MCU: variants seen among roughly 807,000 people sequenced by gnomAD.
MCU encodes the protein mitochondrial calcium uniporter.
In MCU, 12 loss-of-function variants were observed where a neutral mutation model predicts 45.2. The ratio of observed to expected loss-of-function variants is 0.27; its 90% CI spans 0.17 to 0.43. The LOEUF (loss-of-function observed/expected upper bound fraction) is 0.43. Among genes scored for constraint, MCU ranks in the 20% least tolerant of loss-of-function variants. The pLI, the probability that MCU is intolerant of heterozygous loss-of-function variation, is 1.00. For synonymous variants in MCU, 160 were observed against 165.1 expected (o/e 0.97, Z 0.24); for missense variants, 324 against 436.7 (o/e 0.74, Z 2.30).
intron 1 of MCU, chr10:72,730,693 T>C (rs1843161606): frequency 6.6e-6 from 1 of 152,250 alleles, no homozygotes; most frequent in Non-Finnish European, 1.5e-5. Context: ...GTCCAAAATA[T>C]GCAGAAAGCT....
chr10:72,804,074 A>AG (rs1844390385), intron 1 of MCU, among the ~76,000 whole-genome samples: 1 of 68,386 alleles, frequency 1.5e-5, no homozygotes, highest in African/African-American at 7.7e-5. Context: ...ATATATATAT[A>AG]AAATAAGAGT....
Position 72,885,776 on chromosome 10 carries a change from C to A in MCU, c.1010C>A (p.Pro337Gln). The A allele has an allele frequency of 6.2e-7, 1 of 1,613,620 alleles. No homozygotes were observed. Among genetic ancestry groups the A allele is most frequent in the Admixed American group, 1.7e-5 (1 of 59,982 alleles). ...AEMDLKRLRD[P>Q]LQVHLPLRQI... is the part of the protein sequence containing the mutation. ...ATGGACCTTAAGAGACTGAGAGACCCATTACAAGTACATCTGCCTCTCCGA... is the reference window on the plus strand; with the variant it reads ...ATGGACCTTAAGAGACTGAGAGACCAATTACAAGTACATCTGCCTCTCCGA... Residue 337 changes from proline (P) to glutamine (Q), a missense_variant, in exon 8 of 8, where the codon CCA (proline) becomes CAA (glutamine). Pro to Gln is a moderately conservative substitution (Grantham distance 76, BLOSUM62 -1). This residue lies in a region of MCU where 76 missense variants were observed against 99.4 expected (regional missense o/e 0.76). Coordinates refer to ENST00000373053, the MANE Select transcript of MCU (RefSeq NM_138357.3).
In MCU at chr10:72,820,900, G is replaced by A. The variant is rs117622437; in HGVS notation, c.151-13459G>A. Among the ~76,000 whole-genome samples the A allele has an allele frequency of 6.6e-4, 99 of 150,988 alleles. 2 individuals carry two copies. The East Asian group carries it at 0.014, about 22-fold the overall frequency. ...CCCTACTACTTTCCATACGTGTTCCGTTTCTGTTGTTGGTTTTTTTTTTTT... is the reference window on the plus strand; with the variant it reads ...CCCTACTACTTTCCATACGTGTTCCATTTCTGTTGTTGGTTTTTTTTTTTT... On this transcript the variant is annotated intron_variant, in intron 1 of 7. Coordinates refer to ENST00000373053, the MANE Select transcript of MCU (RefSeq NM_138357.3).
chr10:72,782,295 C>A (rs1326633822), intron 1 of MCU, among the ~76,000 whole-genome samples: 1 of 152,118 alleles, frequency 6.6e-6, no homozygotes, highest in Non-Finnish European at 1.5e-5. Flanking sequence ...ACTTCTTCAC[C>A]CTGTGCTTTT....
chr10:72,699,159 G>C, intron 1 of MCU, among the ~76,000 whole-genome samples: 1 of 152,058 alleles, frequency 6.6e-6, no homozygotes, highest in East Asian at 1.9e-4. Flanking sequence ...GAATTACTAG[G>C]ATAACATGTT....
At chr10:72,741,332 C>G (rs1365059609) in intron 1 of MCU, among the ~76,000 whole-genome samples, 1 of 152,116 alleles carries the variant, frequency 6.6e-6, no homozygotes, top group Non-Finnish European at 1.5e-5. Flanking sequence ...AACTCCTGAC[C>G]TCAGGTGATC....
intron 1 of MCU, among the ~76,000 whole-genome samples, chr10:72,697,187 G>A (rs564949982): frequency 5.3e-5 from 8 of 152,100 alleles, no homozygotes; most frequent in African/African-American, 1.2e-4. Flanking sequence ...CGTGATCTCG[G>A]CTCACTGCAA....
At chr10:72,869,002 A>C (rs1646467080) in intron 5 of MCU, 139 bp downstream of exon 5, 1 of 867,654 alleles carries the variant, frequency 1.2e-6, no homozygotes, top group Admixed American at 3.0e-5. Context: ...ACTGAACCAT[A>C]AAAAAGTTTA....
intron 5 of MCU, among the ~76,000 whole-genome samples, chr10:72,871,107 C>T (rs1402223133): frequency 2.6e-5 from 4 of 151,992 alleles, no homozygotes; most frequent in Non-Finnish European, 5.9e-5. Flanking sequence ...GCCATGTCGC[C>T]CAGGCTGGTC....
intron 1 of MCU, among the ~76,000 whole-genome samples, chr10:72,831,533 G>A (rs907233869): frequency 3.3e-5 from 5 of 152,094 alleles, no homozygotes; most frequent in Non-Finnish European, 5.9e-5. Flanking sequence ...TGCCTAACAT[G>A]TATTTGATGA....
intron 1 of MCU, among the ~76,000 whole-genome samples, chr10:72,807,259 G>T (rs1356559256): frequency 6.6e-6 from 1 of 151,994 alleles, no homozygotes; most frequent in Non-Finnish European, 1.5e-5. Context: ...TAGTTATTTA[G>T]TACAGTCAGC....
At chr10:72,805,193 CCTTCCTTCCTTT>C (rs912647532) in intron 1 of MCU, among the ~76,000 whole-genome samples, 5 of 144,932 alleles carry the variant, frequency 3.4e-5, no homozygotes, top group Admixed American at 7.1e-5. Context: ...TTCCTTCCTT[CCTTCCTTCCTTT>C]CTTCCTTTCC....
At chr10:72,790,276 C>CTG (rs1350758652) in intron 1 of MCU, among the ~76,000 whole-genome samples, 1 of 152,198 alleles carries the variant, frequency 6.6e-6, no homozygotes, top group Non-Finnish European at 1.5e-5. Flanking sequence ...TTCCCTGAAT[C>CTG]TGTACCCACT....
At chr10:72,822,530 C>T (rs1042361372) in intron 1 of MCU, among the ~76,000 whole-genome samples, 2 of 152,092 alleles carry the variant, frequency 1.3e-5, no homozygotes, top group Non-Finnish European at 2.9e-5. Context: ...TAAAAATGGG[C>T]AAAAGTTCTG....
chr10:72,834,323 C>G, intron 1 of MCU, 36 bp from the exon 2 acceptor site: 1 of 1,527,652 alleles, frequency 6.5e-7, no homozygotes, highest in South Asian at 1.1e-5. Context: ...TTTGTTGTTC[C>G]ATTCTGACAG....
Position 72,712,027 on chromosome 10 carries a change from T to TA in MCU, c.150+19737dup, listed in dbSNP as rs1270112441. Among the ~76,000 whole-genome samples, 1,396 of 145,010 alleles carry TA rather than the reference T, an allele frequency of 9.6e-3. 25 individuals carry two copies. The highest frequency in any genetic ancestry group is 0.031 in the African/African-American group (1,239 of 39,856). On this transcript the variant is annotated intron_variant, in intron 1 of 7. Coordinates refer to ENST00000373053, the MANE Select transcript of MCU (RefSeq NM_138357.3). ...GCACCCTGCCCAAGACTGTGTTTCT[T>TA]AAAAAAAAAAACCCAAAAAACAAAA...
intron 1 of MCU, among the ~76,000 whole-genome samples, chr10:72,738,665 A>G (rs186325708): frequency 6.6e-6 from 1 of 152,368 alleles, no homozygotes; most frequent in African/African-American, 2.4e-5. Context: ...CACCCAGTTT[A>G]TAATGGTCAC....
At chr10:72,825,508 A>C (rs1696814354) in intron 1 of MCU, among the ~76,000 whole-genome samples, 1 of 152,250 alleles carries the variant, frequency 6.6e-6, no homozygotes, top group African/African-American at 2.4e-5. Context: ...TAATTTTTCC[A>C]GAATCCTATT....
In MCU at chr10:72,744,231, C is replaced by CTT. The variant is rs76110060; in HGVS notation, c.150+51945_150+51946dup. 5.4e-3 allele frequency among the ~76,000 whole-genome samples: 591 copies of CTT among 109,536 alleles called. 3 individuals are homozygous for CTT. Among genetic ancestry groups the CTT allele is most frequent in the African/African-American group, 0.019 (563 of 29,900 alleles). The allele number at this position is 109,536 out of a possible 152,430, so 71.9% of individuals were successfully genotyped here. ...TTCATTTTTCAGGTATCCAAAGATG[C>CTT]TTTTTTTTTTTTTTTTAAAGATTTT... On this transcript the variant is annotated intron_variant, in intron 1 of 7. Transcript: ENST00000373053.
Sources: allele counts gnomAD v4.1 joint callset (sites outside exome capture counted in the v4.1 genomes callset), GRCh38; gene constraint gnomAD v4.1.1; regional missense constraint gnomAD v4.1.1; transcripts MANE v1.5; gene names NCBI Gene and HGNC (gene_info 2026-07-23, HGNC 2026-07-21).